RBM48: variants seen among roughly 807,000 people sequenced by gnomAD.
The protein encoded by RBM48 is RNA-binding protein 48.
In RBM48, 32 loss-of-function variants were observed where a neutral mutation model predicts 34.8. That is an observed-to-expected ratio of 0.92 (90% confidence interval 0.69 to 1.23). The LOEUF (loss-of-function observed/expected upper bound fraction) is 1.23, where lower values mean the gene tolerates loss of function less well. Ranked by LOEUF, RBM48 falls within the 50% of genes most tolerant of loss-of-function variation. The pLI is 0.00. For synonymous variants in RBM48, 151 were observed against 156.2 expected (o/e 0.97, Z 0.25); for missense variants, 441 against 447.2 (o/e 0.99, Z 0.12).
At position 92,531,913 on chromosome 7, in the gene RBM48, T is replaced by G. The variant is rs1008044709; in HGVS notation, c.303-491T>G. ...TGGCCAGTCATAGATGTTTAGTAAG[T>G]ATTTATTGACTGAATAACATTCTTC... On this transcript the variant is annotated intron_variant, in intron 2 of 4. Coordinates refer to ENST00000265732, the MANE Select transcript of RBM48 (RefSeq NM_032120.4). Among the ~76,000 whole-genome samples, 3 of 152,246 alleles carry G rather than the reference T, an allele frequency of 2.0e-5. No individual in the cohort carries two copies. In the East Asian group the frequency reaches 5.8e-4, roughly 29 times the overall value.
In RBM48 at chr7:92,540,342, A is replaced by G. The variant is rs1793831812; in HGVS notation, c.*3405A>G. Reference sequence around the variant, plus strand: ...TCTCTTACTGTTTTTCAAAGTCTGCAAGCGATAGCTTGCCATCATTGTCAT... The same window carrying G: ...TCTCTTACTGTTTTTCAAAGTCTGCGAGCGATAGCTTGCCATCATTGTCAT... On this transcript the variant is annotated 3_prime_UTR_variant, in exon 5 of 5. Transcript: ENST00000265732. 1 of 152,276 alleles carries G rather than the reference A, an allele frequency of 6.6e-6. No individual in the cohort carries two copies. Among genetic ancestry groups the G allele is most frequent in the Non-Finnish European group, 1.5e-5 (1 of 68,052 alleles). The allele number at this position is 152,276 out of a possible 1,614,324, so 9.4% of individuals were successfully genotyped here. A position where few individuals can be genotyped will look rare whatever the true frequency, so the allele number is the denominator to read the frequency against.
intron 2 of RBM48, 88 bp downstream of exon 2, chr7:92,529,754 A>C (rs2116310042): frequency 5.1e-6 from 4 of 785,390 alleles, no homozygotes; most frequent in Non-Finnish European, 8.0e-6. Flanking sequence ...CTCATTCATA[A>C]CTGAATTACC....
intron 3 of RBM48, among the ~76,000 whole-genome samples, 171 bp downstream of exon 3, chr7:92,532,720 G>A (rs1453431016): frequency 6.6e-6 from 1 of 152,178 alleles, no homozygotes. Flanking sequence ...GTTGAGAAGG[G>A]AGAAATATTG....
At chr7:92,534,992 T>C (rs375742243) in intron 4 of RBM48, 22 bp downstream of exon 4, 1 of 1,612,476 alleles carries the variant, frequency 6.2e-7, no homozygotes, top group East Asian at 2.2e-5. Context: ...TTTAAAAAAC[T>C]ATTCTAAGAC....
chr7:92,538,019 T>G lies in RBM48; in HGVS notation c.*1082T>G, dbSNP rs1349437789. 3 of 152,234 alleles carry G rather than the reference T, an allele frequency of 2.0e-5. No individual in the cohort carries two copies. The highest frequency in any genetic ancestry group is 3.8e-4 in the East Asian group (2 of 5,208). The allele number at this position is 152,234 out of a possible 1,614,324, so 9.4% of individuals were successfully genotyped here. A position where few individuals can be genotyped will look rare whatever the true frequency, so the allele number is the denominator to read the frequency against. ...TGAGAAGGTCCATACCGTGGTGTGT[T>G]GTTTTCATTTCTCCCTATCTTTAAT... is the stretch of plus-strand genomic sequence containing the variant. On this transcript the variant is annotated 3_prime_UTR_variant, in exon 5 of 5. Coordinates refer to ENST00000265732, the MANE Select transcript of RBM48 (RefSeq NM_032120.4).
intron 2 of RBM48, among the ~76,000 whole-genome samples, chr7:92,531,336 G>A (rs1178384346): frequency 1.3e-5 from 2 of 152,142 alleles, no homozygotes; most frequent in Non-Finnish European, 2.9e-5. Context: ...AACTGACTCA[G>A]TTTTTTCCAG....
Position 92,537,023 on chromosome 7 carries a change from C to T in RBM48, c.*86C>T. ...CATTTTAATTCTTCAAGAGATTTTACTGCTGGTATTTTTTAATGCACTCCT... is the reference window on the plus strand; with the variant it reads ...CATTTTAATTCTTCAAGAGATTTTATTGCTGGTATTTTTTAATGCACTCCT... On this transcript the variant is annotated 3_prime_UTR_variant, in exon 5 of 5. Transcript: ENST00000265732. 3 of 963,526 alleles carry T rather than the reference C, an allele frequency of 3.1e-6. No homozygotes were observed. Among genetic ancestry groups the T allele is most frequent in the East Asian group, 5.5e-5 (2 of 36,182 alleles). The allele number at this position is 963,526 out of a possible 1,614,324, so 59.7% of individuals were successfully genotyped here.
At chr7:92,529,409 A>C in intron 1 of RBM48, 67 bp from the exon 2 acceptor site, 1 of 957,970 alleles carries the variant, frequency 1.0e-6, no homozygotes, top group South Asian at 1.7e-5. Flanking sequence ...TCTTTAAAAA[A>C]AAATAGAGGC....
intron 4 of RBM48, chr7:92,536,085 A>G: frequency 2.4e-6 from 2 of 817,086 alleles, no homozygotes; most frequent in Non-Finnish European, 3.0e-6. Flanking sequence ...AGCCAAGATC[A>G]TGCCACTGCA....
Position 92,538,319 on chromosome 7 carries a change from C to G in RBM48, c.*1382C>G, listed in dbSNP as rs914042346. On this transcript the variant is annotated 3_prime_UTR_variant, in exon 5 of 5. Transcript: ENST00000265732. ...GACGGAGCAAGTGATCTATAGGCAA[C>G]ACATGGTTAGAGTTGGGGGGTTAAT... 8.5e-5 allele frequency among the ~76,000 whole-genome samples: 13 copies of G among 152,142 alleles called. No homozygotes were observed. Among genetic ancestry groups the G allele is most frequent in the African/African-American group, 3.1e-4 (13 of 41,416 alleles).
In RBM48 at chr7:92,537,711, A is replaced by C. The variant is rs1380659634; in HGVS notation, c.*774A>C. On this transcript the variant is annotated 3_prime_UTR_variant, in exon 5 of 5. Transcript: ENST00000265732. ...TTTGCTTGACCTGTGGCAATCCAAAAATACATCAGTATTTATAAATTCTAG... is the reference window on the plus strand; with the variant it reads ...TTTGCTTGACCTGTGGCAATCCAAACATACATCAGTATTTATAAATTCTAG... 2 of 152,230 alleles carry C rather than the reference A, an allele frequency of 1.3e-5. No homozygotes were observed. The highest frequency in any genetic ancestry group is 2.9e-5 in the Non-Finnish European group (2 of 68,028). The allele number at this position is 152,230 out of a possible 1,614,324, so 9.4% of individuals were successfully genotyped here. A position where few individuals can be genotyped will look rare whatever the true frequency, so the allele number is the denominator to read the frequency against.
At position 92,540,442 on chromosome 7, in the gene RBM48, A is replaced by AT. The variant is rs1793833894; in HGVS notation, c.*3509dup. The AT allele has an allele frequency of 6.6e-6, 1 of 152,226 alleles. No individual in the cohort carries two copies. The highest frequency in any genetic ancestry group is 6.5e-5 in the Admixed American group (1 of 15,282). The allele number at this position is 152,226 out of a possible 1,614,324, so 9.4% of individuals were successfully genotyped here. ...GCAAATAGCTCTCTAGACTAAAAAA[A>AT]TTTTACCAAATAAAAGTTCACACTT... On this transcript the variant is annotated 3_prime_UTR_variant, in exon 5 of 5. Transcript: ENST00000265732.
chr7:92,532,552 A>C lies in RBM48; in HGVS notation c.448+3A>C. The C allele has an allele frequency of 1.2e-6, 2 of 1,605,352 alleles. No homozygotes were observed. Among genetic ancestry groups the C allele is most frequent in the Non-Finnish European group, 8.5e-7 (1 of 1,175,218 alleles). On this transcript the variant is annotated splice_donor_region_variant and intron_variant, in intron 3 of 4. Coordinates refer to ENST00000265732, the MANE Select transcript of RBM48 (RefSeq NM_032120.4). Reference sequence around the variant, plus strand: ...AGTAAAAACTACTGAAAATAAAGGTATGGAAAGCATATTGCTAAATGCCTC... The same window carrying C: ...AGTAAAAACTACTGAAAATAAAGGTCTGGAAAGCATATTGCTAAATGCCTC...
rs1270510211 is a variant in RBM48, at chr7:92,533,904, A to G, written c.449-498A>G. ...GTGCGACAAGCATATTGCTTTCTTT[A>G]GTGACTAACAAACACAAGCCAAGGA... On this transcript the variant is annotated intron_variant, in intron 3 of 4. Transcript: ENST00000265732. Among the ~76,000 whole-genome samples the G allele has an allele frequency of 2.0e-5, 3 of 146,772 alleles. No individual in the cohort carries two copies. The Admixed American group carries it at 2.0e-4, about 10-fold the overall frequency.
rs925502956 is a variant in RBM48 at position 92,528,979 on chromosome 7, C to T, written c.111+55C>T. Reference sequence around the variant, plus strand: ...CTCGGTAGCTTTATGTGAGTGCTAGCGCCATATGACCAGCCTACGGAAATA... The same window carrying T: ...CTCGGTAGCTTTATGTGAGTGCTAGTGCCATATGACCAGCCTACGGAAATA... On this transcript the variant is annotated intron_variant, in intron 1 of 4. Transcript: ENST00000265732. 7.3e-6 allele frequency: 9 copies of T among 1,234,580 alleles called. No homozygotes were observed. The African/African-American group carries it at 1.3e-4, about 18-fold the overall frequency. The allele number at this position is 1,234,580 out of a possible 1,614,324, so 76.5% of individuals were successfully genotyped here. A position where few individuals can be genotyped will look rare whatever the true frequency, so the allele number is the denominator to read the frequency against.
intron 2 of RBM48, among the ~76,000 whole-genome samples, chr7:92,530,992 G>C (rs1430953346): frequency 1.3e-5 from 2 of 151,984 alleles, no homozygotes; most frequent in Non-Finnish European, 2.9e-5. Flanking sequence ...CGAGGTAGGA[G>C]AATCAGTTGA....
intron 4 of RBM48, chr7:92,535,282 C>T (rs1227567733): frequency 3.2e-6 from 4 of 1,255,548 alleles, no homozygotes; most frequent in Non-Finnish European, 4.0e-6. Flanking sequence ...TTAAAAGCTC[C>T]CCAGGTAGTT....
chr7:92,538,636 A>G lies in RBM48; in HGVS notation c.*1699A>G, dbSNP rs1401527001. Among the ~76,000 whole-genome samples, 2 of 152,204 alleles carry G rather than the reference A, an allele frequency of 1.3e-5. No homozygotes were observed. Among genetic ancestry groups the G allele is most frequent in the African/African-American group, 2.4e-5 (1 of 41,446 alleles). ...TTAGAGACCTAAGCATAGAATTGGA[A>G]GGAGCAAATTGCTGTCTGGTTCAGG... On this transcript the variant is annotated 3_prime_UTR_variant, in exon 5 of 5. Transcript: ENST00000265732.
intron 4 of RBM48, chr7:92,535,318 A>G: frequency 1.7e-6 from 2 of 1,175,788 alleles, no homozygotes; most frequent in Non-Finnish European, 2.1e-6. Flanking sequence ...GTTGAGAAGC[A>G]AAAGTATTGT....
Sources: allele counts gnomAD v4.1 joint callset (sites outside exome capture counted in the v4.1 genomes callset), GRCh38; gene constraint gnomAD v4.1.1; transcripts MANE v1.5; gene names NCBI Gene and HGNC (gene_info 2026-07-23, HGNC 2026-07-21).